The following COL9A1 variants were observed in gnomAD, a reference collection of about 807,000 sequenced individuals.
COL9A1 encodes collagen alpha-1(IX) chain.
A neutral mutation model predicts 142.6 loss-of-function variants in COL9A1; 104 were observed. The ratio of observed to expected loss-of-function variants is 0.73; its 90% confidence interval spans 0.62 to 0.86. The LOEUF is 0.86. Ranked by LOEUF, COL9A1 falls within the 40% of genes least tolerant of loss-of-function variation. The pLI, the probability that COL9A1 is intolerant of heterozygous loss-of-function variation, is 0.00. For missense variants in COL9A1, 1,210 were observed against 1,176.6 expected (o/e 1.03, Z -0.42); for synonymous variants, 466 against 396.0 (o/e 1.18, Z -2.10).
At chr6:70,274,356 T>C (rs1156508837) in intron 11 of COL9A1, among the ~76,000 whole-genome samples, 1 of 152,098 alleles carries the variant, frequency 6.6e-6, no homozygotes. Flanking sequence ...ATGCTCTCCC[T>C]CCTCCCACCC....
intron 28 of COL9A1, 31 bp downstream of exon 28, chr6:70,252,089 G>A (rs376092359): frequency 5.3e-5 from 85 of 1,608,630 alleles, no homozygotes; most frequent in Non-Finnish European, 6.7e-5. Context: ...CTGAGAAGGT[G>A]CTTTAGGAAA....
At chr6:70,288,181 A>T (rs1773526623) in intron 5 of COL9A1, among the ~76,000 whole-genome samples, 1 of 152,184 alleles carries the variant, frequency 6.6e-6, no homozygotes, top group Non-Finnish European at 1.5e-5. Flanking sequence ...TTCTCATGTC[A>T]GTAAATGGCA....
chr6:70,267,525 T>A (rs966211960), intron 17 of COL9A1, among the ~76,000 whole-genome samples: 2 of 151,766 alleles, frequency 1.3e-5, no homozygotes, highest in Non-Finnish European at 2.9e-5. Flanking sequence ...TTTCTCCATG[T>A]TAGTCAGGCT....
chr6:70,279,939 G>A (rs1773031217), intron 10 of COL9A1: 2 of 626,714 alleles, frequency 3.2e-6, no homozygotes, highest in Non-Finnish European at 5.9e-6. Flanking sequence ...CTTGAGTGAT[G>A]CACCATGGTA....
chr6:70,258,571 C>G (rs1451166852), intron 20 of COL9A1: 3 of 152,146 alleles, frequency 2.0e-5, no homozygotes, highest in Non-Finnish European at 4.4e-5. Flanking sequence ...ATTTTGAAGA[C>G]CTGAAAAAGA....
chr6:70,256,122 C>T (rs1771275108), intron 21 of COL9A1, among the ~76,000 whole-genome samples: 1 of 152,184 alleles, frequency 6.6e-6, no homozygotes, highest in Admixed American at 6.5e-5. Context: ...TCTTTCCTGC[C>T]CGTAGGCTTT....
rs372239747 is a variant in COL9A1, at chr6:70,283,880, AAG to A, written c.697-62_697-61del. ...TTTGGACGACTGAAGCTGGTCATTC[AAG>A]AGAGAGATGAGTTGCGTCTAATTGT... On this transcript the variant is annotated intron_variant, in intron 5 of 37. Coordinates refer to ENST00000357250, the MANE Select transcript of COL9A1 (RefSeq NM_001851.6). 4.4e-4 allele frequency: 539 copies of A among 1,220,646 alleles called. 1 individual carries two copies. In the African/African-American group the frequency reaches 6.2e-3, roughly 14 times the overall value. The allele number at this position is 1,220,646 out of a possible 1,614,324, so 75.6% of individuals were successfully genotyped here.
In COL9A1 at chr6:70,294,022, C is replaced by T. The variant is rs564299346; in HGVS notation, c.696+145G>A. The stretch of plus-strand genomic sequence containing the variant: ...TTTCCAACTTTAAGCTCCTCAAGAC[C>T]AGAAGCTATCTACTTAACTTCCTCT... On this transcript the variant is annotated intron_variant, in intron 5 of 37. Coordinates refer to ENST00000357250, the MANE Select transcript of COL9A1 (RefSeq NM_001851.6). The T allele has an allele frequency of 3.4e-5, 38 of 1,113,830 alleles. No individual in the cohort carries two copies. In the African/African-American group the frequency reaches 5.1e-4, roughly 15 times the overall value. 69.0% of individuals were successfully genotyped at this position (1,113,830 alleles called of 1,614,324 possible). A position where few individuals can be genotyped will look rare whatever the true frequency, so the allele number is the denominator to read the frequency against.
chr6:70,271,631 A>G lies in COL9A1; in HGVS notation c.1143+24T>C, dbSNP rs375394955. The G allele has an allele frequency of 2.8e-4, 457 of 1,610,444 alleles. 1 individual carries two copies. Among genetic ancestry groups the G allele is most frequent in the Non-Finnish European group, 3.4e-4 (395 of 1,176,822 alleles). On this transcript the variant is annotated intron_variant, in intron 14 of 37. Transcript: ENST00000357250. ...TCTTCTATTAAATCAGCAAACGTCT[A>G]TCAAAGTGCACTGTGGTACTCACAA...
At chr6:70,279,420 T>G (rs1406955395) in intron 10 of COL9A1, 1 of 152,184 alleles carries the variant, frequency 6.6e-6, no homozygotes, top group African/African-American at 2.4e-5. Flanking sequence ...ACTAGGGGCT[T>G]TGAAATGTAA....
chr6:70,288,210 C>A (rs571604143), intron 5 of COL9A1, among the ~76,000 whole-genome samples: 1 of 152,318 alleles, frequency 6.6e-6, no homozygotes, highest in East Asian at 1.9e-4. Flanking sequence ...CTTCCAATTA[C>A]TCGCGCCTAA....
intron 18 of COL9A1, among the ~76,000 whole-genome samples, chr6:70,265,959 C>T (rs1438036081): frequency 2.6e-5 from 4 of 152,002 alleles, no homozygotes; most frequent in Non-Finnish European, 5.9e-5. Context: ...AGGACATAGT[C>T]AACAAAGTCA....
intron 37 of COL9A1, among the ~76,000 whole-genome samples, chr6:70,224,287 GC>G (rs1769086159): frequency 6.6e-6 from 1 of 152,068 alleles, no homozygotes; most frequent in South Asian, 2.1e-4. Flanking sequence ...CCCCGTTTGC[GC>G]CCCCCATCAA....
intron 4 of COL9A1, among the ~76,000 whole-genome samples, chr6:70,299,387 A>G (rs1373527578): frequency 1.3e-5 from 2 of 152,092 alleles, no homozygotes. Flanking sequence ...CATAATCATA[A>G]ATAAGGTATT....
rs934945820 is a variant in COL9A1 at position 70,294,089 on chromosome 6, A to G, written c.696+78T>C. On this transcript the variant is annotated intron_variant, in intron 5 of 37. Transcript: ENST00000357250. Reference sequence around the variant, plus strand: ...TGGGACATGCTGCACTCAGCTGATTATCAAAGATGCTTGAGATGTTCATTT... The same window carrying G: ...TGGGACATGCTGCACTCAGCTGATTGTCAAAGATGCTTGAGATGTTCATTT... 13 of 1,565,062 alleles carry G rather than the reference A, an allele frequency of 8.3e-6. No homozygotes were observed. In the African/African-American group the frequency reaches 1.6e-4, roughly 20 times the overall value.
intron 5 of COL9A1, among the ~76,000 whole-genome samples, chr6:70,287,188 G>A (rs1773487508): frequency 6.6e-6 from 1 of 152,258 alleles, no homozygotes; most frequent in South Asian, 2.1e-4. Flanking sequence ...GGTTTACATA[G>A]AGGGGTTACA....
At chr6:70,238,674 G>A (rs903927611) in intron 33 of COL9A1, among the ~76,000 whole-genome samples, 1 of 152,038 alleles carries the variant, frequency 6.6e-6, no homozygotes, top group Non-Finnish European at 1.5e-5. Context: ...GTATTACCAT[G>A]TAACACTCAT....
At chr6:70,251,452 C>T (rs993801962) in intron 28 of COL9A1, among the ~76,000 whole-genome samples, 1 of 152,278 alleles carries the variant, frequency 6.6e-6, no homozygotes, top group Admixed American at 6.5e-5. Flanking sequence ...GAGGCTTAGG[C>T]AGGAGGACTG....
chr6:70,220,703 AAAGTG>A (rs1409956054), intron 37 of COL9A1, among the ~76,000 whole-genome samples: 1 of 152,204 alleles, frequency 6.6e-6, no homozygotes, highest in Non-Finnish European at 1.5e-5. Flanking sequence ...CATCACTCAA[AAAGTG>A]AAGCTGACTC....
Sources: gnomAD v4.1 joint callset for allele counts (sites outside exome capture counted in the v4.1 genomes callset) on GRCh38, gnomAD v4.1.1 for gene constraint, MANE v1.5 for transcripts, NCBI Gene and HGNC (gene_info 2026-07-23, HGNC 2026-07-21) for gene names.